Variants in ZNF202 observed in about 807,000 individuals in gnomAD.
The protein encoded by ZNF202 is zinc finger protein with KRAB and SCAN domains 10.
ZNF202 carries 22 observed loss-of-function variants against 54.5 expected under a neutral mutation model. That is an observed-to-expected ratio of 0.40 (90% CI 0.29 to 0.58). The LOEUF is 0.58. Among genes scored for constraint, ZNF202 ranks in the 20% least tolerant of loss-of-function variants. ZNF202 has a pLI of 0.39. For synonymous variants in ZNF202, 294 were observed against 301.4 expected (o/e 0.98, Z 0.26); for missense variants, 644 against 805.5 (o/e 0.80, Z 2.43).
Position 123,741,062 on chromosome 11 carries a change from G to A in ZNF202, c.-294+487C>T, listed in dbSNP as rs531398824. Among the ~76,000 whole-genome samples, 5 of 152,218 alleles carry A rather than the reference G, an allele frequency of 3.3e-5. No individual in the cohort carries two copies. In the South Asian group the frequency reaches 1.0e-3, roughly 32 times the overall value. Reference sequence around the variant, plus strand: ...ATCTGGGTGTGTGCTGGGGGGCTGAGGGGGGCTTGGTGGTGTAAGGAGATG... The same window carrying A: ...ATCTGGGTGTGTGCTGGGGGGCTGAAGGGGGCTTGGTGGTGTAAGGAGATG... On this transcript the variant is annotated intron_variant, in intron 1 of 8. Transcript: ENST00000530393.
chr11:123,741,203 G>A (rs762162137), intron 1 of ZNF202, among the ~76,000 whole-genome samples: 11 of 152,260 alleles, frequency 7.2e-5, no homozygotes, highest in East Asian at 1.9e-4. Context: ...GTTCCGGGGG[G>A]ACAGTTGGCG....
rs1389313667 is a variant in ZNF202 at position 123,727,495 on chromosome 11, G to T, written c.933C>A (p.Ile311=). The T allele has an allele frequency of 6.2e-7, 1 of 1,613,978 alleles. No homozygotes were observed. Among genetic ancestry groups the T allele is most frequent in the African/African-American group, 1.3e-5 (1 of 74,924 alleles). The part of the protein sequence containing the change: ...QEPQETQEPE[I]LSFTYTGDRS... The stretch of plus-strand genomic sequence containing the variant: ...CCTCACCTGTGTAGGTAAAACTCAG[G>T]ATTTCTGGCTCTTGAGTCTCCTGAG... The change falls in exon 8 of 9, where the codon ATC becomes ATA. Residue 311 remains isoleucine (I), a synonymous_variant. Coordinates refer to ENST00000530393, the MANE Select transcript of ZNF202 (RefSeq NM_003455.4).
In ZNF202 at chr11:123,730,602, G is replaced by A; in HGVS notation, c.287C>T (p.Thr96Ile). 3.1e-6 allele frequency: 5 copies of A among 1,612,216 alleles called. No homozygotes were observed. Among genetic ancestry groups the A allele is most frequent in the Non-Finnish European group, 4.2e-6 (5 of 1,178,958 alleles). ...GCTCTGTAGTTCTCCAGGTAGGACG[G>A]TAAGAAATTGTTCCAGCACAAGCAG... ...LELLVLEQFLTVLPGELQSWV... is the reference protein window; with the variant it reads ...LELLVLEQFLIVLPGELQSWV... Residue 96 changes from threonine to isoleucine, a missense_variant, in exon 4 of 9, where the codon ACC becomes ATC. Coordinates refer to ENST00000530393, the MANE Select transcript of ZNF202 (RefSeq NM_003455.4). The surrounding 1 kb of genome is among the most constrained non-coding windows in gnomAD (Gnocchi z 6.0).
Position 123,726,785 on chromosome 11 carries a change from T to G in ZNF202, c.1159A>C (p.Thr387Pro). The change falls in exon 9 of 9, where the codon ACA (threonine) becomes CCA (proline). Residue 387 changes from threonine (T) to proline (P), a missense_variant. By Grantham distance (38) the Thr-to-Pro change is conservative (BLOSUM62 -1). Transcript: ENST00000530393. The surrounding 1 kb of genome is among the most constrained non-coding windows in gnomAD (Gnocchi z 6.0). Reference protein sequence around the residue: ...VNSFVNLRETTPVHPLLGRHH... With the variant: ...VNSFVNLRETPPVHPLLGRHH... Reference sequence around the variant, plus strand: ...CTCCCTAACAGGGGGTGGACGGGTGTAGTTTCCCGAAGGTTCACAAAACTA... The same window carrying G: ...CTCCCTAACAGGGGGTGGACGGGTGGAGTTTCCCGAAGGTTCACAAAACTA... 6.2e-7 allele frequency: 1 copy of G among 1,614,222 alleles called. No homozygotes were observed. Among genetic ancestry groups the G allele is most frequent in the Non-Finnish European group, 8.5e-7 (1 of 1,180,044 alleles).
At position 123,725,975 on chromosome 11, in the gene ZNF202, A is replaced by G. The variant is rs780125194; in HGVS notation, c.*22T>C. The G allele has an allele frequency of 5.0e-6, 8 of 1,591,402 alleles. No homozygotes were observed. In the Admixed American group the frequency reaches 1.4e-4, roughly 27 times the overall value. ...TCCCTTAGGTGAGGGCTGAAAGCAGATCTCCTCACATGGGGACCTAGCTAG... is the reference window on the plus strand; with the variant it reads ...TCCCTTAGGTGAGGGCTGAAAGCAGGTCTCCTCACATGGGGACCTAGCTAG... On this transcript the variant is annotated 3_prime_UTR_variant, in exon 9 of 9. Transcript: ENST00000530393.
At chr11:123,740,359 C>T (rs1255068669) in intron 2 of ZNF202, 58 bp downstream of exon 2, 1 of 152,348 alleles carries the variant, frequency 6.6e-6, no homozygotes, top group Non-Finnish European at 1.5e-5. Flanking sequence ...TTATCCCAGA[C>T]TGCTCCGCGT....
chr11:123,727,674 T>C (rs922071065), intron 7 of ZNF202, 79 bp from the exon 8 acceptor site: 5 of 1,574,772 alleles, frequency 3.2e-6, no homozygotes, highest in Non-Finnish European at 4.3e-6. Flanking sequence ...TTCTATTTGG[T>C]AGGTTGTGGG....
chr11:123,729,536 A>G (rs988160044), intron 5 of ZNF202, 79 bp downstream of exon 5: 713 of 1,384,106 alleles, frequency 5.2e-4, no homozygotes, highest in Non-Finnish European at 6.7e-4. Flanking sequence ...CTTCCTTGGT[A>G]TAGGAGAAAT....
At chr11:123,731,068 C>G (rs1313499303) in intron 3 of ZNF202, 83 bp from the exon 4 acceptor site, 3 of 612,316 alleles carry the variant, frequency 4.9e-6, no homozygotes, top group Non-Finnish European at 8.0e-6. Flanking sequence ...TCATAATCCT[C>G]TACACAAACT....
Position 123,726,583 on chromosome 11 carries a change from T to A in ZNF202, c.1361A>T (p.Lys454Ile), listed in dbSNP as rs1423607173. The change falls in exon 9 of 9, where the codon AAA becomes ATA. Residue 454 changes from lysine to isoleucine, a missense_variant. Lys to Ile is a moderately radical substitution (Grantham distance 102). Transcript: ENST00000530393. The surrounding 1 kb of genome is among the most constrained non-coding windows in gnomAD (Gnocchi z 6.0). ...QKVHKMNAPY[K>I]YPLNRKNLEE... The stretch of plus-strand genomic sequence containing the variant: ...CAAATTCTTCCGGTTTAGGGGATAT[T>A]TGTAAGGCGCGTTCATCTTGTGAAC... 6.2e-7 allele frequency: 1 copy of A among 1,614,194 alleles called. No homozygotes were observed. The highest frequency in any genetic ancestry group is 2.2e-5 in the East Asian group (1 of 44,870).
chr11:123,727,521 G>C lies in ZNF202; in HGVS notation c.907C>G (p.Pro303Ala). The change falls in exon 8 of 9, where the codon CCT becomes GCT. Residue 303 changes from proline to alanine, a missense_variant. By Grantham distance (27) the Pro-to-Ala change is conservative (BLOSUM62 -1). Coordinates refer to ENST00000530393, the MANE Select transcript of ZNF202 (RefSeq NM_003455.4). ...ATTTCTGGCTCTTGAGTCTCCTGAG[G>C]CTCTTGGATATCTGGGACCCAAGGC... ...EEPWVPDIQEPQETQEPEILS... is the reference protein window; with the variant it reads ...EEPWVPDIQEAQETQEPEILS... 6.2e-7 allele frequency: 1 copy of C among 1,614,090 alleles called. No homozygotes were observed. The highest frequency in any genetic ancestry group is 8.5e-7 in the Non-Finnish European group (1 of 1,179,998).
intron 3 of ZNF202, among the ~76,000 whole-genome samples, chr11:123,736,771 C>CA (rs1384068503): frequency 2.0e-5 from 3 of 152,106 alleles, no homozygotes; most frequent in Admixed American, 6.5e-5. Context: ...GTCTTATCCT[C>CA]AAAAATGTGG....
intron 3 of ZNF202, among the ~76,000 whole-genome samples, chr11:123,732,964 G>C (rs1232968487): frequency 6.6e-6 from 1 of 151,888 alleles, no homozygotes; most frequent in African/African-American, 2.4e-5. Flanking sequence ...GTATTCATAG[G>C]AACTTTAAAA....
intron 1 of ZNF202, among the ~76,000 whole-genome samples, chr11:123,740,920 A>C (rs1369319786): frequency 7.4e-6 from 1 of 135,756 alleles, no homozygotes; most frequent in Non-Finnish European, 1.6e-5. Flanking sequence ...AAGTGGAGAC[A>C]GCAGCTACTG....
chr11:123,733,538 A>C (rs1365626805), intron 3 of ZNF202, among the ~76,000 whole-genome samples: 1 of 151,988 alleles, frequency 6.6e-6, no homozygotes, highest in African/African-American at 2.4e-5. Flanking sequence ...GTTTCTTCCT[A>C]AGTGCTAATG....
At chr11:123,740,774 AC>A (rs1327469941) in intron 1 of ZNF202, among the ~76,000 whole-genome samples, 1 of 152,236 alleles carries the variant, frequency 6.6e-6, no homozygotes. Flanking sequence ...CTGAAGGAAC[AC>A]AGCCTATCCA....
In ZNF202 at chr11:123,735,490, A is replaced by G. The variant is rs149396753; in HGVS notation, c.-97-4505T>C. Among the ~76,000 whole-genome samples the G allele has an allele frequency of 4.3e-4, 65 of 152,324 alleles. 1 individual carries two copies. The East Asian group carries it at 5.8e-3, about 14-fold the overall frequency. On this transcript the variant is annotated intron_variant, in intron 3 of 8. Coordinates refer to ENST00000530393, the MANE Select transcript of ZNF202 (RefSeq NM_003455.4). The stretch of plus-strand genomic sequence containing the variant: ...GCAGCCTAGGAAGATGAAGGAAAAC[A>G]GATCAGCAATAGAAGGAATGAAGGA...
In ZNF202 at chr11:123,724,988, T is replaced by C. The variant is rs570020345; in HGVS notation, c.*1009A>G. ...ATGTAAATAAAGTGGCCCATGGCAA[T>C]CATGATTCTGTAATTGTTATAGTGC... On this transcript the variant is annotated 3_prime_UTR_variant, in exon 9 of 9. Transcript: ENST00000530393. 1.3e-5 allele frequency: 2 copies of C among 152,218 alleles called. No individual in the cohort carries two copies. Among genetic ancestry groups the C allele is most frequent in the Non-Finnish European group, 2.9e-5 (2 of 68,036 alleles). 9.4% of individuals were successfully genotyped at this position (152,218 alleles called of 1,614,324 possible).
rs554400323 is a variant in ZNF202 at position 123,739,000 on chromosome 11, C to G, written c.-98+1117G>C. 9.2e-5 allele frequency: 14 copies of G among 152,354 alleles called. No homozygotes were observed. In the East Asian group the frequency reaches 2.7e-3, roughly 29 times the overall value. The allele number at this position is 152,354 out of a possible 1,614,324, so 9.4% of individuals were successfully genotyped here. The stretch of plus-strand genomic sequence containing the variant: ...GTCTCCCCACTGTGGGCCCTGCCCT[C>G]GAGAGCAAGGGTCTCCTTATTCATT... On this transcript the variant is annotated intron_variant, in intron 3 of 8. Coordinates refer to ENST00000530393, the MANE Select transcript of ZNF202 (RefSeq NM_003455.4).
Sources: allele counts gnomAD v4.1 joint callset (sites outside exome capture counted in the v4.1 genomes callset), GRCh38; gene constraint gnomAD v4.1.1; non-coding constraint Gnocchi (gnomAD v3.1); transcripts MANE v1.5; gene names NCBI Gene and HGNC (gene_info 2026-07-23, HGNC 2026-07-21).